CCDC197: variants seen among roughly 807,000 people sequenced by gnomAD.
CCDC197 encodes the protein coiled-coil domain containing 197.
CCDC197 carries 24 observed loss-of-function variants against 13.4 expected under a neutral mutation model. The ratio of observed to expected loss-of-function variants is 1.80; its 90% CI spans 1.30 to 2.53. The LOEUF (loss-of-function observed/expected upper bound fraction) is 2.53. CCDC197 is among the 30% of genes most tolerant of loss of function. The probability of loss-of-function intolerance (pLI) is 0.00; values close to 1 mark genes in which losing one functional copy is unlikely to be tolerated. For synonymous variants in CCDC197, 99 were observed against 55.5 expected (o/e 1.78, Z -3.48); for missense variants, 255 against 148.8 (o/e 1.71, Z -3.71).
At chr14:94,011,227 C>A (rs1275778766), downstream of CCDC197, among the ~76,000 whole-genome samples, 2 of 152,202 alleles carry the variant, frequency 1.3e-5, no homozygotes, top group African/African-American at 4.8e-5. Flanking sequence ...ACCTTCTACG[C>A]CCAGGGTGAA....
Position 94,003,571 on chromosome 14 carries a change from A to G in CCDC197, c.498+217A>G, listed in dbSNP as rs1168927428. On this transcript the variant is annotated intron_variant, in intron 5 of 6. Coordinates refer to ENST00000636493, the MANE Select transcript of CCDC197 (RefSeq NM_001351596.2). This position sits in a 1 kb window ranked among gnomAD's most constrained non-coding sequence, Gnocchi z 5.0. ...TAGACACACAGACACAACCAGACAT[A>G]TAGACAGACCCAGCCAGACACATAC... Among the ~76,000 whole-genome samples the G allele has an allele frequency of 2.6e-5, 4 of 151,884 alleles. No individual in the cohort carries two copies. The highest frequency in any genetic ancestry group is 2.0e-4 in the Admixed American group (3 of 15,232).
In CCDC197 at chr14:94,001,134, T is replaced by A. The variant is rs117603766; in HGVS notation, c.188-11T>A. 1.3e-6 allele frequency: 1 copy of A among 767,448 alleles called. No homozygotes were observed. Among genetic ancestry groups the A allele is most frequent in the Non-Finnish European group, 2.4e-6 (1 of 410,964 alleles). 47.5% of individuals were successfully genotyped at this position (767,448 alleles called of 1,614,324 possible). A position where few individuals can be genotyped will look rare whatever the true frequency, so the allele number is the denominator to read the frequency against. On this transcript the variant is annotated splice_polypyrimidine_tract_variant and intron_variant, in intron 3 of 6. Transcript: ENST00000636493. Reference sequence around the variant, plus strand: ...GCACCCACCCATCCCGCCATGGCGCTGTCTCCGTAGGCTGCACGGGATGGG... The same window carrying A: ...GCACCCACCCATCCCGCCATGGCGCAGTCTCCGTAGGCTGCACGGGATGGG...
chr14:93,998,041 C>G lies in CCDC197; in HGVS notation c.-91C>G, dbSNP rs571995861. 1 of 732,822 alleles carries G rather than the reference C, an allele frequency of 1.4e-6. No homozygotes were observed. Among genetic ancestry groups the G allele is most frequent in the East Asian group, 2.5e-5 (1 of 39,934 alleles). The allele number at this position is 732,822 out of a possible 1,614,324, so 45.4% of individuals were successfully genotyped here. A position where few individuals can be genotyped will look rare whatever the true frequency, so the allele number is the denominator to read the frequency against. On this transcript the variant is annotated 5_prime_UTR_variant, in exon 2 of 7. Transcript: ENST00000636493. The stretch of plus-strand genomic sequence containing the variant: ...GGCTTCCAAGGATCTGAAGAGGAAG[C>G]TGCGGCTGTGACTGTCCCTTTTCGG...
chr14:93,996,980 G>T (rs1890334655), upstream of CCDC197, among the ~76,000 whole-genome samples: 1 of 152,222 alleles, frequency 6.6e-6, no homozygotes, highest in Non-Finnish European at 1.5e-5. Flanking sequence ...TGCCTGAGCT[G>T]CAGCCACCAA....
chr14:93,988,438 GGATGGGAGGAGGA>G (rs1173814552), intron 1 of CCDC197, among the ~76,000 whole-genome samples: 1 of 80,808 alleles, frequency 1.2e-5, no homozygotes, highest in Non-Finnish European at 2.4e-5. Context: ...TGGGAGGAGA[GGATGGGAGGAGGA>G]GATGGGAGGA....
At chr14:93,991,577 A>C (rs1027426804) in intron 1 of CCDC197, among the ~76,000 whole-genome samples, 1 of 152,226 alleles carries the variant, frequency 6.6e-6, no homozygotes, top group African/African-American at 2.4e-5. Flanking sequence ...CTAGACACGG[A>C]GACTCCAGCA....
At chr14:94,010,159 G>T (rs1342577449), downstream of CCDC197, among the ~76,000 whole-genome samples, 1 of 151,708 alleles carries the variant, frequency 6.6e-6, no homozygotes, top group Non-Finnish European at 1.5e-5. Flanking sequence ...TTGTGGCCAG[G>T]TTTTAAGAGT....
In CCDC197 at chr14:94,003,091, G is replaced by T. The variant is rs981499924; in HGVS notation, c.367-132G>T. ...CCCTTTTCTGCATCTCTGGTGCCTT[G>T]AATGGCCCCAGCCACCCACAAGTAT... On this transcript the variant is annotated intron_variant, in intron 4 of 6. Coordinates refer to ENST00000636493, the MANE Select transcript of CCDC197 (RefSeq NM_001351596.2). This position sits in a 1 kb window ranked among gnomAD's most constrained non-coding sequence, Gnocchi z 5.0. 1.3e-4 allele frequency: 78 copies of T among 601,994 alleles called. No homozygotes were observed. Among genetic ancestry groups the T allele is most frequent in the Non-Finnish European group, 2.4e-5 (8 of 335,964 alleles). 37.3% of individuals were successfully genotyped at this position (601,994 alleles called of 1,614,324 possible).
intron 1 of CCDC197, among the ~76,000 whole-genome samples, chr14:93,991,547 G>C (rs1036164469): frequency 3.3e-5 from 5 of 152,236 alleles, no homozygotes; most frequent in African/African-American, 1.2e-4. Context: ...AGCGCCTGCT[G>C]TGGGTCCAGT....
intron 6 of CCDC197, among the ~76,000 whole-genome samples, chr14:94,007,894 G>A (rs936059972): frequency 6.6e-6 from 1 of 152,194 alleles, no homozygotes; most frequent in South Asian, 2.1e-4. Context: ...GCTCAGTTCA[G>A]AAGGACTTCT....
At chr14:94,002,605 C>G (rs1369198700) in intron 4 of CCDC197, among the ~76,000 whole-genome samples, 1 of 152,144 alleles carries the variant, frequency 6.6e-6, no homozygotes, top group Non-Finnish European at 1.5e-5. Context: ...GTAATCTCAG[C>G]ACTTTGGGAG....
chr14:93,998,420 G>C (rs1299673095), intron 2 of CCDC197, among the ~76,000 whole-genome samples, 185 bp downstream of exon 2: 1 of 152,260 alleles, frequency 6.6e-6, no homozygotes, highest in Non-Finnish European at 1.5e-5. Flanking sequence ...GAGAGAAGAG[G>C]TGTGGCTATT....
chr14:93,995,614 G>C (rs1273528826), upstream of CCDC197, among the ~76,000 whole-genome samples: 1 of 152,210 alleles, frequency 6.6e-6, no homozygotes, highest in African/African-American at 2.4e-5. Context: ...TCAAGCCAAG[G>C]GGTGGGCACA....
At position 94,004,869 on chromosome 14, in the gene CCDC197, C is replaced by G. The variant is rs1257098885; in HGVS notation, c.513C>G (p.Gly171=). 2.8e-6 allele frequency: 2 copies of G among 703,010 alleles called. No individual in the cohort carries two copies. Among genetic ancestry groups the G allele is most frequent in the Non-Finnish European group, 2.6e-6 (1 of 384,984 alleles). 43.5% of individuals were successfully genotyped at this position (703,010 alleles called of 1,614,324 possible). A position where few individuals can be genotyped will look rare whatever the true frequency, so the allele number is the denominator to read the frequency against. Residue 171 remains glycine, a synonymous_variant, in exon 6 of 7, where the codon GGC becomes GGG. Coordinates refer to ENST00000636493, the MANE Select transcript of CCDC197 (RefSeq NM_001351596.2). ...CTTTCCTGCAGGATCAGCTGCTCGG[C>G]TACATGCAAATGACCATCACCAACA... ...TSSSYNDQLL[G]YMQMTITNMA... is the part of the protein sequence containing the mutation.
rs1197399802 is a variant in CCDC197 at position 94,003,546 on chromosome 14, T to A, written c.498+192T>A. On this transcript the variant is annotated intron_variant, in intron 5 of 6. Transcript: ENST00000636493. This position sits in a 1 kb window ranked among gnomAD's most constrained non-coding sequence, Gnocchi z 5.0. ...ACAGACATAGTCACAGCCAGACACA[T>A]AGACACACAGACACAACCAGACATA... 1.4e-5 allele frequency among the ~76,000 whole-genome samples: 2 copies of A among 139,474 alleles called. No individual in the cohort carries two copies. The highest frequency in any genetic ancestry group is 3.2e-5 in the Non-Finnish European group (2 of 62,096). The allele number at this position is 139,474 out of a possible 152,430, so 91.5% of individuals were successfully genotyped here.
chr14:93,999,246 C>T, intron 2 of CCDC197: 1 of 244,056 alleles, frequency 4.1e-6, no homozygotes, highest in South Asian at 7.3e-5. Flanking sequence ...TAGGGGCCGG[C>T]CTGTCTCCTG....
At position 94,003,825 on chromosome 14, in the gene CCDC197, ATT is replaced by A. The variant is rs1263819431; in HGVS notation, c.498+473_498+474del. 1.3e-5 allele frequency among the ~76,000 whole-genome samples: 2 copies of A among 152,188 alleles called. No homozygotes were observed. The highest frequency in any genetic ancestry group is 4.8e-5 in the African/African-American group (2 of 41,448). On this transcript the variant is annotated intron_variant, in intron 5 of 6. Coordinates refer to ENST00000636493, the MANE Select transcript of CCDC197 (RefSeq NM_001351596.2). This position sits in a 1 kb window ranked among gnomAD's most constrained non-coding sequence, Gnocchi z 5.0. ...AGATGGGAAAACTGAGGCCACAGAT[ATT>A]TCAGGACAGAGCTCTGCCAAGAACC...
chr14:94,005,576 A>G (rs554862327), intron 6 of CCDC197, among the ~76,000 whole-genome samples: 6 of 152,328 alleles, frequency 3.9e-5, no homozygotes, highest in African/African-American at 1.4e-4. Flanking sequence ...TTGACAACAC[A>G]GCATGTCTTT....
At position 94,001,310 on chromosome 14, in the gene CCDC197, G is replaced by A. The variant is rs1198250958; in HGVS notation, c.353G>A (p.Arg118Lys). 3.9e-6 allele frequency: 3 copies of A among 774,708 alleles called. No homozygotes were observed. In the South Asian group the frequency reaches 4.1e-5, roughly 10 times the overall value. 48.0% of individuals were successfully genotyped at this position (774,708 alleles called of 1,614,324 possible). Residue 118 changes from arginine (R) to lysine (K), a missense_variant, in exon 4 of 7, where the codon AGG becomes AAG. By Grantham distance (26) the Arg-to-Lys change is conservative. Coordinates refer to ENST00000636493, the MANE Select transcript of CCDC197 (RefSeq NM_001351596.2). ...RSLESLEEDH[R>K]ALMLSLKIRL... ...CTGGAGTCTCTGGAGGAGGACCACA[G>A]GGCTCTCATGTTGGTAACAGCTGCT...
Sources: gnomAD v4.1 joint callset for allele counts (sites outside exome capture counted in the v4.1 genomes callset) on GRCh38, gnomAD v4.1.1 for gene constraint, Gnocchi (gnomAD v3.1) non-coding constraint, MANE v1.5 for transcripts, NCBI Gene and HGNC (gene_info 2026-07-23, HGNC 2026-07-21) for gene names.